The following SGCD variants were observed in gnomAD, a reference collection of about 807,000 sequenced individuals.
The protein encoded by SGCD is delta-sarcoglycan.
In SGCD, 18 loss-of-function variants were observed where a neutral mutation model predicts 36.6. The ratio of observed to expected loss-of-function variants is 0.49; its 90% confidence interval spans 0.34 to 0.73. SGCD has a LOEUF of 0.73. Among genes scored for constraint, SGCD ranks in the 30% least tolerant of loss-of-function variants. SGCD has a pLI of 0.01. For missense variants in SGCD, 387 were observed against 346.7 expected (o/e 1.12, Z -0.92); for synonymous variants, 133 against 130.6 (o/e 1.02, Z -0.12).
At chr5:156,392,151 A>G (rs1243607245) in intron 3 of SGCD, among the ~76,000 whole-genome samples, 1 of 152,222 alleles carries the variant, frequency 6.6e-6, no homozygotes, top group Admixed American at 6.5e-5. Context: ...GCATTACATT[A>G]TCATCTCAGT....
At chr5:156,010,141 G>T (rs900415225) in intron 1 of SGCD, among the ~76,000 whole-genome samples, 4 of 152,066 alleles carry the variant, frequency 2.6e-5, no homozygotes, top group Non-Finnish European at 5.9e-5. Context: ...GTGTGTCATT[G>T]GTTTCTTAAT....
chr5:156,167,508 G>GA (rs1432393414), intron 3 of SGCD, among the ~76,000 whole-genome samples: 1 of 152,078 alleles, frequency 6.6e-6, no homozygotes, highest in Non-Finnish European at 1.5e-5. Context: ...GTTGAAATGT[G>GA]ATCTCCGATG....
chr5:156,591,406 A>C (rs1216083332), intron 5 of SGCD, among the ~76,000 whole-genome samples: 2 of 152,236 alleles, frequency 1.3e-5, no homozygotes, highest in African/African-American at 4.8e-5. Context: ...CTATTTGACC[A>C]TAAGGCAGGC....
chr5:156,556,983 G>A (rs1039284425), intron 4 of SGCD, among the ~76,000 whole-genome samples: 1 of 152,174 alleles, frequency 6.6e-6, no homozygotes, highest in Admixed American at 6.5e-5. Context: ...TGAGCTATAA[G>A]TGTACCTTGC....
At chr5:156,462,227 G>A (rs143795415) in intron 3 of SGCD, among the ~76,000 whole-genome samples, 2 of 152,134 alleles carry the variant, frequency 1.3e-5, no homozygotes, top group East Asian at 3.9e-4. Flanking sequence ...AGCTAACTGT[G>A]AAATGTTATG....
intron 1 of SGCD, among the ~76,000 whole-genome samples, chr5:155,963,706 C>G (rs1028736858): frequency 6.6e-6 from 1 of 152,086 alleles, no homozygotes; most frequent in South Asian, 2.1e-4. Context: ...AAAGGTGATT[C>G]ATTACTTCAA....
intron 1 of SGCD, among the ~76,000 whole-genome samples, chr5:155,988,166 T>A (rs1758366711): frequency 6.6e-6 from 1 of 152,192 alleles, no homozygotes; most frequent in African/African-American, 2.4e-5. Flanking sequence ...TGAGTTCTTC[T>A]ACAACATCTC....
chr5:156,319,153 C>G (rs2127695414), intron 3 of SGCD, among the ~76,000 whole-genome samples: 1 of 152,218 alleles, frequency 6.6e-6, no homozygotes. Context: ...TGCAGCTCAG[C>G]CAGACTGGCC....
chr5:156,126,310 G>T (rs766515186), intron 3 of SGCD, among the ~76,000 whole-genome samples: 1 of 152,106 alleles, frequency 6.6e-6, no homozygotes, highest in Non-Finnish European at 1.5e-5. Context: ...TGAGAGTATC[G>T]AACTTTAATT....
chr5:155,966,021 G>A (rs1757896339), intron 1 of SGCD, among the ~76,000 whole-genome samples: 1 of 151,912 alleles, frequency 6.6e-6, no homozygotes, highest in Non-Finnish European at 1.5e-5. Context: ...TTTGATTTAA[G>A]CCACTTAAAA....
intron 3 of SGCD, among the ~76,000 whole-genome samples, chr5:156,158,424 G>T (rs1160290863): frequency 6.6e-6 from 1 of 151,680 alleles, no homozygotes; most frequent in Non-Finnish European, 1.5e-5. Context: ...TGTGGGAAGA[G>T]TTTAAAGCAA....
chr5:156,730,427 T>A (rs1755999671), intron 7 of SGCD, among the ~76,000 whole-genome samples: 1 of 152,206 alleles, frequency 6.6e-6, no homozygotes. Flanking sequence ...TATGTATCCA[T>A]GTGTTCTCAT....
intron 3 of SGCD, among the ~76,000 whole-genome samples, chr5:156,398,934 G>C (rs10054859): frequency 0.44 from 66,220 of 152,000 alleles, 15,758 homozygotes; most frequent in Middle Eastern, 0.58. Flanking sequence ...TAGGCATTTT[G>C]TAAGTGCTCA....
chr5:156,672,470 C>T (rs1420520009), intron 7 of SGCD, among the ~76,000 whole-genome samples: 1 of 152,182 alleles, frequency 6.6e-6, no homozygotes, highest in Non-Finnish European at 1.5e-5. Context: ...CACAGAGGTG[C>T]CTGGTAGCTC....
At chr5:156,009,103 C>T (rs1268322292) in intron 1 of SGCD, among the ~76,000 whole-genome samples, 1 of 152,126 alleles carries the variant, frequency 6.6e-6, no homozygotes, top group Non-Finnish European at 1.5e-5. Context: ...AGTCCCACTG[C>T]CAGGTTACTT....
intron 4 of SGCD, among the ~76,000 whole-genome samples, chr5:156,587,655 A>T (rs933590221): frequency 3.9e-5 from 6 of 152,152 alleles, no homozygotes; most frequent in Admixed American, 3.9e-4. Context: ...GGAAAAAGAC[A>T]TTAGACAGCC....
At chr5:156,454,247 A>T in intron 3 of SGCD, among the ~76,000 whole-genome samples, 1 of 152,212 alleles carries the variant, frequency 6.6e-6, no homozygotes, top group Non-Finnish European at 1.5e-5. Flanking sequence ...TGGACAGAGA[A>T]AAAAGTCTGT....
At position 156,407,820 on chromosome 5, in the gene SGCD, A is replaced by G. The variant is rs549806064; in HGVS notation, c.192+63143A>G. Among the ~76,000 whole-genome samples, 19 of 152,264 alleles carry G rather than the reference A, an allele frequency of 1.2e-4. 1 individual carries two copies. The South Asian group carries it at 3.9e-3, about 32-fold the overall frequency. Reference sequence around the variant, plus strand: ...GTTTAATTTTGCTTACTTAATGATTATTGTATAAAGTCTGCTATATGCCAT... The same window carrying G: ...GTTTAATTTTGCTTACTTAATGATTGTTGTATAAAGTCTGCTATATGCCAT... On this transcript the variant is annotated intron_variant, in intron 3 of 8. Coordinates refer to ENST00000337851, the MANE Select transcript of SGCD (RefSeq NM_000337.6).
At chr5:156,176,783 A>G (rs1320829285) in intron 3 of SGCD, among the ~76,000 whole-genome samples, 3 of 152,194 alleles carry the variant, frequency 2.0e-5, no homozygotes, top group African/African-American at 4.8e-5. Flanking sequence ...TGTAGTTTAA[A>G]TATCTCTGAA....
Sources: allele counts gnomAD v4.1 joint callset (sites outside exome capture counted in the v4.1 genomes callset), GRCh38; gene constraint gnomAD v4.1.1; transcripts MANE v1.5; gene names NCBI Gene and HGNC (gene_info 2026-07-23, HGNC 2026-07-21).